The following PLCH1 variants were observed in gnomAD, a reference collection of about 807,000 sequenced individuals.
The protein encoded by PLCH1 is phospholipase C eta 1, also known as 1-phosphatidylinositol 4,5-bisphosphate phosphodiesterase eta-1.
In PLCH1, 60 loss-of-function variants were observed where a neutral mutation model predicts 126.7. That is an observed-to-expected ratio of 0.47 (90% CI 0.38 to 0.59). PLCH1 has a LOEUF of 0.59. PLCH1 is among the 20% of genes least tolerant of loss of function. The pLI is 0.00. For missense variants in PLCH1, 1,723 were observed against 2,040.0 expected (o/e 0.84, Z 2.99); for synonymous variants, 719 against 734.9 (o/e 0.98, Z 0.35).
chr3:155,625,617 T>G (rs775174565), intron 2 of PLCH1, among the ~76,000 whole-genome samples: 6 of 152,060 alleles, frequency 3.9e-5, no homozygotes, highest in African/African-American at 1.4e-4. Context: ...CCAAAAAGCA[T>G]GAAAAAAAGC....
chr3:155,653,889 C>T (rs1240896764), intron 2 of PLCH1, among the ~76,000 whole-genome samples: 1 of 151,982 alleles, frequency 6.6e-6, no homozygotes, highest in Non-Finnish European at 1.5e-5. Flanking sequence ...AATTATGTTC[C>T]CTGATCCTAT....
intron 2 of PLCH1, among the ~76,000 whole-genome samples, chr3:155,668,846 C>G (rs535176735): frequency 6.6e-6 from 1 of 152,152 alleles, no homozygotes; most frequent in South Asian, 2.1e-4. Flanking sequence ...GAGCCAAGAT[C>G]ACGCCACTGC....
intron 6 of PLCH1, among the ~76,000 whole-genome samples, chr3:155,571,008 T>G (rs544524692): frequency 1.4e-4 from 22 of 152,138 alleles, no homozygotes; most frequent in Non-Finnish European, 2.6e-4. Context: ...GTCCTCACAT[T>G]AAAGGACAAC....
At chr3:155,469,119 G>T (rs560938445) in intron 21 of PLCH1, among the ~76,000 whole-genome samples, 1 of 152,310 alleles carries the variant, frequency 6.6e-6, no homozygotes, top group South Asian at 2.1e-4. Context: ...CTCCCAACGT[G>T]AGCGACGCAG....
At chr3:155,741,711 G>T (rs1749657523) in intron 1 of PLCH1, among the ~76,000 whole-genome samples, 1 of 57,670 alleles carries the variant, frequency 1.7e-5, no homozygotes, top group Non-Finnish European at 2.7e-5. Context: ...TTTTGTTCAG[G>T]GAAAAAATAG....
At chr3:155,712,161 T>C (rs1013153863) in intron 1 of PLCH1, among the ~76,000 whole-genome samples, 2 of 152,212 alleles carry the variant, frequency 1.3e-5, no homozygotes, top group Admixed American at 6.5e-5. Context: ...CATCTGGCCA[T>C]CATGAGCTCT....
At chr3:155,619,498 T>TAAAA (rs1553857946) in intron 2 of PLCH1, among the ~76,000 whole-genome samples, 9 of 133,530 alleles carry the variant, frequency 6.7e-5, no homozygotes, top group South Asian at 2.3e-4. Context: ...ACAGAAAAAG[T>TAAAA]AAAAAAAAAA....
In PLCH1 at chr3:155,551,444, GAAAAAAAAAAAAAAAAAAAAA is replaced by G. The variant is rs59794505; in HGVS notation, c.1191-1507_1191-1487del. 1.9e-4 allele frequency among the ~76,000 whole-genome samples: 8 copies of G among 42,088 alleles called. No homozygotes were observed. In the East Asian group the frequency reaches 6.3e-3, roughly 33 times the overall value. The allele number at this position is 42,088 out of a possible 152,430, so 27.6% of individuals were successfully genotyped here. On this transcript the variant is annotated intron_variant, in intron 9 of 22. Transcript: ENST00000460012. ...TGGGCGACAGAGCAAGGCTGCCTCA[GAAAAAAAAAAAAAAAAAAAAA>G]AAAAAAAAAAAAAAAGCCTAATTAG...
At chr3:155,638,334 T>C (rs1426473916) in intron 2 of PLCH1, among the ~76,000 whole-genome samples, 7 of 152,342 alleles carry the variant, frequency 4.6e-5, no homozygotes, top group East Asian at 1.9e-4. Context: ...GTTATCATCA[T>C]TGAACTTTAA....
intron 1 of PLCH1, among the ~76,000 whole-genome samples, chr3:155,722,655 A>T (rs1341927920): frequency 6.6e-6 from 1 of 152,216 alleles, no homozygotes; most frequent in East Asian, 1.9e-4. Context: ...CCATCCCTGC[A>T]TCCCTAGTAT....
In PLCH1 at chr3:155,482,639, G is replaced by C. The variant is rs371663567; in HGVS notation, c.3387C>G (p.Asn1129Lys). Residue 1129 changes from asparagine (N) to lysine (K), a missense_variant, in exon 23 of 23, where the codon AAC (asparagine) becomes AAG (lysine). Around this residue, in one of 2 missense-constraint regions of PLCH1, gnomAD observed 947 missense variants for 977.1 expected, o/e 0.97. Transcript: ENST00000460012. The stretch of plus-strand genomic sequence containing the variant: ...GGCCCTTACCCCTATTACCTTCCAG[G>C]TTCTTAATTTCTAGGTTGCTATGAG... ...VLSHSNLEIK[N>K]LEGNRGKGRA... The C allele has an allele frequency of 1.2e-6, 2 of 1,614,114 alleles. No homozygotes were observed. Among genetic ancestry groups the C allele is most frequent in the South Asian group, 2.2e-5 (2 of 91,080 alleles).
intron 10 of PLCH1, among the ~76,000 whole-genome samples, chr3:155,541,004 C>T (rs1357713001): frequency 1.3e-5 from 2 of 151,996 alleles, no homozygotes; most frequent in African/African-American, 2.4e-5. Context: ...CATCAATCAA[C>T]GAGTGGATAA....
At chr3:155,516,420 T>C (rs1720317076) in intron 11 of PLCH1, among the ~76,000 whole-genome samples, 2 of 152,124 alleles carry the variant, frequency 1.3e-5, no homozygotes, top group African/African-American at 2.4e-5. Context: ...AGCAAAGGAT[T>C]TACATGAATT....
chr3:155,556,910 G>T (rs1726890058), intron 8 of PLCH1, among the ~76,000 whole-genome samples: 1 of 152,112 alleles, frequency 6.6e-6, no homozygotes, highest in Admixed American at 6.5e-5. Context: ...CTGTTTCTCT[G>T]CAGAACCCCG....
At chr3:155,567,147 A>C (rs1282255323) in intron 7 of PLCH1, among the ~76,000 whole-genome samples, 1 of 152,094 alleles carries the variant, frequency 6.6e-6, no homozygotes, top group East Asian at 1.9e-4. Flanking sequence ...GTCTCGGCTC[A>C]CTGCAACCTC....
chr3:155,647,421 C>A (rs1740186539), intron 2 of PLCH1, among the ~76,000 whole-genome samples: 1 of 151,580 alleles, frequency 6.6e-6, no homozygotes, highest in Non-Finnish European at 1.5e-5. Flanking sequence ...AGAAGACACA[C>A]TTCCTCAACC....
intron 12 of PLCH1, among the ~76,000 whole-genome samples, chr3:155,512,106 C>T (rs1719646090): frequency 6.6e-6 from 1 of 150,444 alleles, no homozygotes; most frequent in African/African-American, 2.5e-5. Context: ...GTGGGAGTGA[C>T]CCGATTTTCC....
chr3:155,663,318 C>A (rs1238209984), intron 2 of PLCH1, among the ~76,000 whole-genome samples: 2 of 152,158 alleles, frequency 1.3e-5, no homozygotes, highest in Non-Finnish European at 2.9e-5. Flanking sequence ...TCTTTTGTAA[C>A]CTGTGATTTA....
intron 20 of PLCH1, 126 bp downstream of exon 20, chr3:155,488,534 A>T: frequency 1.1e-6 from 1 of 877,294 alleles, no homozygotes; most frequent in Admixed American, 3.1e-5. Flanking sequence ...GTTTGTTAAA[A>T]GTCACATTTA....
Sources: gnomAD v4.1 joint callset for allele counts (sites outside exome capture counted in the v4.1 genomes callset) on GRCh38, gnomAD v4.1.1 for gene constraint, gnomAD v4.1.1 regional missense constraint, MANE v1.5 for transcripts, NCBI Gene and HGNC (gene_info 2026-07-23, HGNC 2026-07-21) for gene names.